The following GNG7 variants were observed in gnomAD, a reference collection of about 807,000 sequenced individuals.
The protein encoded by GNG7 is G protein subunit gamma 7.
GNG7 carries 1 observed loss-of-function variant against 4.0 expected under a neutral mutation model. The observed-to-expected ratio is 0.25, with a 90% confidence interval of 0.09 to 1.18. The LOEUF is 1.18. Ranked by LOEUF, GNG7 falls within the 50% of genes most tolerant of loss-of-function variation. The pLI is 0.50. For missense variants in GNG7, 86 were observed against 91.9 expected, an observed-to-expected ratio of 0.94 and a Z score of 0.26; for synonymous variants, 34 against 36.9, an observed-to-expected ratio of 0.92 and a Z score of 0.29.
At chr19:2,601,772 T>G (rs1476087324) in intron 2 of GNG7, among the ~76,000 whole-genome samples, 1 of 151,422 alleles carries the variant, frequency 6.6e-6, no homozygotes, top group Non-Finnish European at 1.5e-5. Flanking sequence ...CCGGGCATGG[T>G]GGTGTGAGCC....
chr19:2,638,074 T>G (rs979931878), intron 2 of GNG7, among the ~76,000 whole-genome samples: 3 of 151,890 alleles, frequency 2.0e-5, no homozygotes, highest in Non-Finnish European at 2.9e-5. Context: ...AGTTTTGAAA[T>G]AATGAATGGG....
At chr19:2,566,353 T>G (rs1367348747) in intron 2 of GNG7, among the ~76,000 whole-genome samples, 1 of 151,934 alleles carries the variant, frequency 6.6e-6, no homozygotes, top group African/African-American at 2.4e-5. Flanking sequence ...TGGGATGGAT[T>G]CTCCCCACTG....
intron 1 of GNG7, among the ~76,000 whole-genome samples, chr19:2,664,187 T>G (rs1983246849): frequency 6.6e-6 from 1 of 152,100 alleles, no homozygotes; most frequent in South Asian, 2.1e-4. Context: ...CACGCTGACA[T>G]TCTGCCAGCA....
intron 2 of GNG7, among the ~76,000 whole-genome samples, chr19:2,576,028 CACACAG>C (rs1980326259): frequency 1.1e-5 from 1 of 92,596 alleles, no homozygotes; most frequent in Non-Finnish European, 2.2e-5. Context: ...TGCAGACACA[CACACAG>C]ACACACACAG....
intron 1 of GNG7, among the ~76,000 whole-genome samples, chr19:2,680,913 T>TC (rs1983715965): frequency 6.6e-6 from 1 of 151,764 alleles, no homozygotes; most frequent in Non-Finnish European, 1.5e-5. Context: ...CGCATGAGGG[T>TC]CCCCATGTCC....
chr19:2,550,378 C>G (rs904407718), intron 3 of GNG7, among the ~76,000 whole-genome samples: 4 of 152,226 alleles, frequency 2.6e-5, no homozygotes, highest in African/African-American at 9.7e-5. Flanking sequence ...GCATCCAACA[C>G]CAAGCCCGGC....
At chr19:2,665,822 T>G (rs1388293587) in intron 1 of GNG7, among the ~76,000 whole-genome samples, 4 of 152,296 alleles carry the variant, frequency 2.6e-5, no homozygotes, top group African/African-American at 9.6e-5. Context: ...CATACTGGCT[T>G]TATTATTTAG....
chr19:2,519,131 G>GT (rs1399536422), intron 4 of GNG7, among the ~76,000 whole-genome samples: 1 of 127,990 alleles, frequency 7.8e-6, no homozygotes, highest in African/African-American at 2.9e-5. Flanking sequence ...TGTGAAGGTT[G>GT]TTTTTTTCTT....
Position 2,653,480 on chromosome 19 carries a change from C to T in GNG7, c.-134-7200G>A, listed in dbSNP as rs1982883087. 7.1e-6 allele frequency among the ~76,000 whole-genome samples: 1 copy of T among 140,278 alleles called. No homozygotes were observed. Among genetic ancestry groups the T allele is most frequent in the Non-Finnish European group, 1.5e-5 (1 of 65,628 alleles). 92.0% of individuals were successfully genotyped at this position (140,278 alleles called of 152,430 possible). A position where few individuals can be genotyped will look rare whatever the true frequency, so the allele number is the denominator to read the frequency against. On this transcript the variant is annotated intron_variant, in intron 1 of 4. Transcript: ENST00000382159. This position sits in a 1 kb window ranked among gnomAD's most constrained non-coding sequence, Gnocchi z 4.8. ...AGGAGAATCCCAGGAGCTGGGGGGC[C>T]CCCCTGGTTTATACCGTCTTCCCCA...
intron 1 of GNG7, among the ~76,000 whole-genome samples, chr19:2,687,968 A>C (rs1983913705): frequency 8.8e-6 from 1 of 113,412 alleles, no homozygotes; most frequent in Admixed American, 9.1e-5. Context: ...CTCCAGATAA[A>C]ATAGCCGGGC....
chr19:2,673,576 C>T (rs1268226379), intron 1 of GNG7, among the ~76,000 whole-genome samples: 1 of 151,574 alleles, frequency 6.6e-6, no homozygotes, highest in African/African-American at 2.4e-5. Flanking sequence ...ACCTGAAATC[C>T]CAGCTACTTG....
chr19:2,581,147 A>G (rs1980490752), intron 2 of GNG7, among the ~76,000 whole-genome samples: 1 of 151,966 alleles, frequency 6.6e-6, no homozygotes, highest in Admixed American at 6.6e-5. Flanking sequence ...ACTTCCATGA[A>G]CGCTGTGGGA....
At chr19:2,681,893 T>C (rs1983745370) in intron 1 of GNG7, among the ~76,000 whole-genome samples, 1 of 152,198 alleles carries the variant, frequency 6.6e-6, no homozygotes, top group Non-Finnish European at 1.5e-5. Flanking sequence ...TGTTTTCAAG[T>C]GAAACTGATA....
chr19:2,529,885 G>A (rs954069741), intron 3 of GNG7, among the ~76,000 whole-genome samples: 1 of 152,166 alleles, frequency 6.6e-6, no homozygotes, highest in Non-Finnish European at 1.5e-5. Context: ...CTCTGCTCCT[G>A]GTTTTTGGGT....
chr19:2,598,213 A>C (rs34929641), intron 2 of GNG7, among the ~76,000 whole-genome samples: 1 of 146,862 alleles, frequency 6.8e-6, no homozygotes, highest in African/African-American at 2.4e-5. Context: ...CCAAGGACCA[A>C]AAGAACTCAC....
intron 1 of GNG7, among the ~76,000 whole-genome samples, chr19:2,676,806 T>C (rs61546074): frequency 0.32 from 48,433 of 151,668 alleles, 8,853 homozygotes; most frequent in East Asian, 0.55. Context: ...CTGGAGGAGT[T>C]GGGTGTAATT....
chr19:2,525,774 T>C (rs1250799969), intron 3 of GNG7, among the ~76,000 whole-genome samples: 1 of 151,964 alleles, frequency 6.6e-6, no homozygotes, highest in Non-Finnish European at 1.5e-5. Flanking sequence ...AATTGCGTTA[T>C]GTGTAAGAGT....
At chr19:2,528,354 C>T (rs1016626322) in intron 3 of GNG7, among the ~76,000 whole-genome samples, 4 of 147,356 alleles carry the variant, frequency 2.7e-5, no homozygotes, top group African/African-American at 5.0e-5. Context: ...GGGCAGATCA[C>T]GAGGCCAGGA....
intron 4 of GNG7, among the ~76,000 whole-genome samples, chr19:2,520,234 C>G (rs2041181): frequency 0.9 from 137,115 of 152,196 alleles, 61,952 homozygotes; most frequent in East Asian, 1. Context: ...AAAGTAGATA[C>G]GACATGCAGT....
Sources: gnomAD v4.1 joint callset for allele counts (sites outside exome capture counted in the v4.1 genomes callset) on GRCh38, gnomAD v4.1.1 for gene constraint, Gnocchi (gnomAD v3.1) non-coding constraint, MANE v1.5 for transcripts, NCBI Gene and HGNC (gene_info 2026-07-23, HGNC 2026-07-21) for gene names.